Variants in MAPKBP1 observed in about 807,000 individuals in gnomAD.
The protein encoded by MAPKBP1 is mitogen-activated protein kinase binding protein 1, also known as mitogen-activated protein kinase-binding protein 1.
MAPKBP1 carries 71 observed loss-of-function variants against 170.5 expected under a neutral mutation model. That is an observed-to-expected ratio of 0.42 (90% CI 0.34 to 0.51). The LOEUF (loss-of-function observed/expected upper bound fraction) is 0.51, where lower values mean the gene tolerates loss of function less well. Among genes scored for constraint, MAPKBP1 ranks in the 20% least tolerant of loss-of-function variants. The pLI, the probability that MAPKBP1 is intolerant of heterozygous loss-of-function variation, is 0.06. For missense variants in MAPKBP1, 1,598 were observed against 1,933.0 expected, an observed-to-expected ratio of 0.83 and a Z score of 3.25; for synonymous variants, 719 against 757.9, an observed-to-expected ratio of 0.95 and a Z score of 0.84.
At chr15:41,800,767 C>T (rs749821803) in intron 3 of MAPKBP1, among the ~76,000 whole-genome samples, 28 of 151,750 alleles carry the variant, frequency 1.8e-4, no homozygotes, top group Non-Finnish European at 3.7e-4. Context: ...TGTATTTGGC[C>T]TTTTGTAACT....
At chr15:41,815,237 T>A (rs1416391660) in intron 10 of MAPKBP1, 22 bp from the exon 11 acceptor site, 10 of 1,614,006 alleles carry the variant, frequency 6.2e-6, no homozygotes, top group Non-Finnish European at 8.5e-6. Flanking sequence ...GAGGTCTGAT[T>A]GTGTTCCCTC....
chr15:41,793,906 C>T (rs2064438398), intron 2 of MAPKBP1, among the ~76,000 whole-genome samples: 1 of 152,138 alleles, frequency 6.6e-6, no homozygotes, highest in Non-Finnish European at 1.5e-5. Flanking sequence ...TATGTAGCTG[C>T]ATAAGGACAG....
chr15:41,794,189 C>T (rs984714995), intron 2 of MAPKBP1, among the ~76,000 whole-genome samples: 1 of 151,966 alleles, frequency 6.6e-6, no homozygotes, highest in Non-Finnish European at 1.5e-5. Context: ...CTGAGATCAC[C>T]CCACTGCACT....
chr15:41,803,699 A>G lies in MAPKBP1; in HGVS notation c.206+3785A>G, dbSNP rs117534285. Among the ~76,000 whole-genome samples, 723 of 152,168 alleles carry G rather than the reference A, an allele frequency of 4.8e-3. 1 individual carries two copies. The highest frequency in any genetic ancestry group is 8.5e-3 in the Non-Finnish European group (577 of 67,990). On this transcript the variant is annotated intron_variant, in intron 3 of 30. Coordinates refer to ENST00000457542, the MANE Select transcript of MAPKBP1 (RefSeq NM_014994.3). ...CATTGCACTCCAGCTTGGGTGACAC[A>G]GTGAAACCCTGCCTCTTAAAAAAAC...
chr15:41,810,804 TG>T, intron 3 of MAPKBP1, 78 bp from the exon 4 acceptor site: 1 of 1,175,108 alleles, frequency 8.5e-7, no homozygotes. Context: ...GCCGGGTGAC[TG>T]GAAGTCCTGG....
chr15:41,780,565 T>C (rs938827164), intron 2 of MAPKBP1, among the ~76,000 whole-genome samples: 1 of 152,232 alleles, frequency 6.6e-6, no homozygotes, highest in Non-Finnish European at 1.5e-5. Context: ...GGATTTGTTA[T>C]ATTATACTTC....
At chr15:41,790,641 TTTTG>T (rs558520090) in intron 2 of MAPKBP1, among the ~76,000 whole-genome samples, 1 of 152,330 alleles carries the variant, frequency 6.6e-6, no homozygotes, top group African/African-American at 2.4e-5. Context: ...GATACCCTTT[TTTTG>T]TTTGTTTGTC....
At chr15:41,822,473 C>A in intron 26 of MAPKBP1, 51 bp downstream of exon 26, 1 of 1,605,214 alleles carries the variant, frequency 6.2e-7, no homozygotes, top group Non-Finnish European at 8.5e-7. Flanking sequence ...CTTCTCCCCT[C>A]CTTGCCTACC....
intron 2 of MAPKBP1, among the ~76,000 whole-genome samples, chr15:41,795,795 G>A (rs2064477829): frequency 6.6e-6 from 1 of 152,022 alleles, no homozygotes; most frequent in South Asian, 2.1e-4. Flanking sequence ...ATTTTTATTA[G>A]AGACGGGGTT....
In MAPKBP1 at chr15:41,824,049, A is replaced by G; in HGVS notation, c.4201A>G (p.Ser1401Gly). Reference sequence around the variant, plus strand: ...ATGCACCAAGCCAGGGGCAGCCCTGAGCCAGGACTCAGGTGTGCACAGCTC... The same window carrying G: ...ATGCACCAAGCCAGGGGCAGCCCTGGGCCAGGACTCAGGTGTGCACAGCTC... Reference protein sequence around the residue: ...MECTKPGAALSQDSEPAVSLE... With the variant: ...MECTKPGAALGQDSEPAVSLE... Residue 1401 changes from serine to glycine, a missense_variant, in exon 29 of 31, where the codon AGC becomes GGC. By Grantham distance (56) the Ser-to-Gly change is moderately conservative (BLOSUM62 0). Around this residue, in one of 6 missense-constraint regions of MAPKBP1, gnomAD observed 942 missense variants for 953.2 expected, o/e 0.99. Transcript: ENST00000457542. The G allele has an allele frequency of 6.2e-7, 1 of 1,603,194 alleles. No individual in the cohort carries two copies. Among genetic ancestry groups the G allele is most frequent in the Non-Finnish European group, 8.5e-7 (1 of 1,178,656 alleles).
chr15:41,812,738 CCT>C (rs2064825534), intron 7 of MAPKBP1, 85 bp downstream of exon 7: 4 of 1,501,874 alleles, frequency 2.7e-6, no homozygotes, highest in Non-Finnish European at 3.6e-6. Flanking sequence ...CCCACTTGGG[CCT>C]CTCTCTGCAT....
intron 2 of MAPKBP1, among the ~76,000 whole-genome samples, chr15:41,786,951 T>C (rs1454879304): frequency 6.6e-6 from 1 of 151,202 alleles, no homozygotes; most frequent in Non-Finnish European, 1.5e-5. Context: ...CAGGCTGGAG[T>C]GCAGTGGCAG....
rs566544680 is a variant in MAPKBP1 at position 41,777,728 on chromosome 15, T to A, written c.114+2339T>A. ...TTATTCTAAAAGCCTGCCTTGTGAT[T>A]ACTCTAGTGTATTAAGCTCTGTGAG... On this transcript the variant is annotated intron_variant, in intron 2 of 30. Transcript: ENST00000457542. Among the ~76,000 whole-genome samples the A allele has an allele frequency of 2.0e-5, 3 of 152,358 alleles. No individual in the cohort carries two copies. In the East Asian group the frequency reaches 5.8e-4, roughly 29 times the overall value.
intron 12 of MAPKBP1, among the ~76,000 whole-genome samples, chr15:41,816,048 G>A (rs1258529509): frequency 6.6e-6 from 1 of 152,216 alleles, no homozygotes; most frequent in Non-Finnish European, 1.5e-5. Flanking sequence ...CAATGTTTCT[G>A]TGGTATTCTT....
At chr15:41,813,596 C>T in intron 8 of MAPKBP1, 25 bp from the exon 9 acceptor site, 1 of 1,608,878 alleles carries the variant, frequency 6.2e-7, no homozygotes, top group Non-Finnish European at 8.5e-7. Context: ...GGTGGCCTTG[C>T]TGAGCTGAGC....
Position 41,799,445 on chromosome 15 carries a change from G to T in MAPKBP1, c.115-378G>T, listed in dbSNP as rs116597287. 4.9e-3 allele frequency among the ~76,000 whole-genome samples: 740 copies of T among 152,226 alleles called. 3 individuals carry two copies. The highest frequency in any genetic ancestry group is 0.017 in the African/African-American group (720 of 41,528). On this transcript the variant is annotated intron_variant, in intron 2 of 30. Transcript: ENST00000457542. ...GCCTGCCAAAGCACAAAGATCAGTG[G>T]CCTCACCCAAGTCTCACAGACCCAA...
At position 41,816,977 on chromosome 15, in the gene MAPKBP1, C is replaced by G; in HGVS notation, c.1653C>G (p.Tyr551Ter). 1 of 1,611,728 alleles carries G rather than the reference C, an allele frequency of 6.2e-7. No homozygotes were observed. Among genetic ancestry groups the G allele is most frequent in the Non-Finnish European group, 8.5e-7 (1 of 1,178,374 alleles). Residue 551 changes from tyrosine (Y) to a stop codon, truncating the protein, a stop_gained, in exon 14 of 31, where the codon TAC (tyrosine) becomes TAG (stop). Coordinates refer to ENST00000457542, the MANE Select transcript of MAPKBP1 (RefSeq NM_014994.3). LOFTEE classifies it high-confidence loss of function. Reference sequence around the variant, plus strand: ...ATGTGCTGGATGCCGGGCGGGAGTACAGCCTACAGCAGACGCTGGACGAAC... The same window carrying G: ...ATGTGCTGGATGCCGGGCGGGAGTAGAGCCTACAGCAGACGCTGGACGAAC... ...LIHVLDAGRE[Y>*]SLQQTLDEHS...
chr15:41,811,026 G>T (rs1761591545), intron 4 of MAPKBP1, 81 bp downstream of exon 4: 1 of 1,565,812 alleles, frequency 6.4e-7, no homozygotes, highest in Non-Finnish European at 8.8e-7. Flanking sequence ...CTATGGCTCT[G>T]GGGGCTGGGA....
Position 41,819,548 on chromosome 15 carries a change from G to GGGC in MAPKBP1, c.2426-45_2426-44insCGG, listed in dbSNP as rs1555454029. The GGGC allele has an allele frequency of 1.8e-5, 18 of 993,414 alleles. 1 individual carries two copies. Among genetic ancestry groups the GGGC allele is most frequent in the African/African-American group, 5.3e-5 (1 of 18,942 alleles). 61.5% of individuals were successfully genotyped at this position (993,414 alleles called of 1,614,324 possible). ...GGCCAGGGCTCCAGGGTTGGGTGGC[G>GGGC]GGGGGGGGGCAGGAGACACTTCCTC... On this transcript the variant is annotated intron_variant, in intron 21 of 30. Coordinates refer to ENST00000457542, the MANE Select transcript of MAPKBP1 (RefSeq NM_014994.3).
Sources: allele counts gnomAD v4.1 joint callset (sites outside exome capture counted in the v4.1 genomes callset), GRCh38; gene constraint gnomAD v4.1.1; regional missense constraint gnomAD v4.1.1; transcripts MANE v1.5; gene names NCBI Gene and HGNC (gene_info 2026-07-23, HGNC 2026-07-21).